The following SLC24A3 variants were observed in gnomAD, a reference collection of about 807,000 sequenced individuals.
SLC24A3 encodes sodium/potassium/calcium exchanger 3.
A neutral mutation model predicts 75.8 loss-of-function variants in SLC24A3; 28 were observed. The observed-to-expected ratio is 0.37, with a 90% CI of 0.27 to 0.51. The LOEUF (loss-of-function observed/expected upper bound fraction) is 0.51. Among genes scored for constraint, SLC24A3 ranks in the 20% least tolerant of loss-of-function variants. The probability of loss-of-function intolerance (pLI) is 0.94; values close to 1 mark genes in which losing one functional copy is unlikely to be tolerated. For missense variants in SLC24A3, 663 were observed against 847.8 expected (o/e 0.78, Z 2.71); for synonymous variants, 372 against 334.1 (o/e 1.11, Z -1.24).
intron 2 of SLC24A3, among the ~76,000 whole-genome samples, chr20:19,434,878 T>C (rs1357221307): frequency 6.6e-6 from 1 of 152,198 alleles, no homozygotes; most frequent in East Asian, 1.9e-4. Flanking sequence ...GCTGGCATCA[T>C]ACAGGGATTC....
chr20:19,703,626 T>C (rs1365080848), intron 15 of SLC24A3, among the ~76,000 whole-genome samples: 1 of 152,188 alleles, frequency 6.6e-6, no homozygotes, highest in Non-Finnish European at 1.5e-5. Flanking sequence ...AGGATAAGCA[T>C]CAAGTGTATG....
At chr20:19,326,304 C>T (rs981639650) in intron 2 of SLC24A3, among the ~76,000 whole-genome samples, 2 of 151,966 alleles carry the variant, frequency 1.3e-5, no homozygotes, top group Non-Finnish European at 2.9e-5. Flanking sequence ...ATCCTCTGCC[C>T]AAGGGAGCAA....
intron 9 of SLC24A3, among the ~76,000 whole-genome samples, chr20:19,677,676 T>C (rs79859088): frequency 7.6e-6 from 1 of 131,310 alleles, no homozygotes; most frequent in South Asian, 2.3e-4. Flanking sequence ...TTTAGGATTC[T>C]TTTTTTTTTC....
At chr20:19,544,767 G>T (rs114783481) in intron 3 of SLC24A3, among the ~76,000 whole-genome samples, 1 of 152,288 alleles carries the variant, frequency 6.6e-6, no homozygotes, top group African/African-American at 2.4e-5. Context: ...CAAGATGGCA[G>T]TTGGCAAAAT....
rs139949169 is a variant in SLC24A3 at position 19,696,001 on chromosome 20, C to CT, written c.1492-789dup. Among the ~76,000 whole-genome samples the CT allele has an allele frequency of 5.7e-3, 772 of 135,588 alleles. 9 individuals carry two copies. Among genetic ancestry groups the CT allele is most frequent in the African/African-American group, 0.02 (746 of 37,548 alleles). The allele number at this position is 135,588 out of a possible 152,430, so 89.0% of individuals were successfully genotyped here. A position where few individuals can be genotyped will look rare whatever the true frequency, so the allele number is the denominator to read the frequency against. ...AGGAAATGCTAGTTATGGCTTTCCCCTTTTTTTCCTTTTCTTTTTTTTTTT... is the reference window on the plus strand; with the variant it reads ...AGGAAATGCTAGTTATGGCTTTCCCCTTTTTTTTCCTTTTCTTTTTTTTTTT... On this transcript the variant is annotated intron_variant, in intron 13 of 16. Transcript: ENST00000328041.
chr20:19,243,505 T>C (rs746450664), intron 1 of SLC24A3, among the ~76,000 whole-genome samples: 2 of 152,238 alleles, frequency 1.3e-5, no homozygotes, highest in Non-Finnish European at 2.9e-5. Flanking sequence ...CCCCACAGGG[T>C]AGATGCCTCT....
chr20:19,676,138 A>G (rs959696890), intron 9 of SLC24A3, among the ~76,000 whole-genome samples: 3 of 152,230 alleles, frequency 2.0e-5, no homozygotes, highest in African/African-American at 7.2e-5. Flanking sequence ...TCAAAAACAG[A>G]TGTGGCCAGA....
intron 2 of SLC24A3, among the ~76,000 whole-genome samples, chr20:19,418,895 A>T (rs1017216851): frequency 5.9e-5 from 9 of 152,132 alleles, no homozygotes; most frequent in African/African-American, 1.9e-4. Flanking sequence ...CAGAGGTGTA[A>T]TGATTTGAGC....
chr20:19,369,033 A>AATC (rs752765835), intron 2 of SLC24A3, among the ~76,000 whole-genome samples: 2 of 152,246 alleles, frequency 1.3e-5, no homozygotes, highest in African/African-American at 4.8e-5. Context: ...ACCATTTGAC[A>AATC]ATCATCATCA....
intron 2 of SLC24A3, among the ~76,000 whole-genome samples, chr20:19,364,642 G>A (rs1985852537): frequency 6.6e-6 from 1 of 152,042 alleles, no homozygotes; most frequent in African/African-American, 2.4e-5. Flanking sequence ...TTTTGTAGAC[G>A]TGGGGTTTTG....
At chr20:19,359,422 G>T (rs1440612463) in intron 2 of SLC24A3, among the ~76,000 whole-genome samples, 2 of 152,140 alleles carry the variant, frequency 1.3e-5, no homozygotes, top group African/African-American at 4.8e-5. Context: ...ACTGGGGGCT[G>T]CCCCAAAAGA....
chr20:19,391,877 C>T (rs6132197), intron 2 of SLC24A3, among the ~76,000 whole-genome samples: 18,004 of 152,162 alleles, frequency 0.12, 1,597 homozygotes, highest in East Asian at 0.33. Context: ...ATTCTGGAGA[C>T]TTGGCTTCTG....
intron 6 of SLC24A3, among the ~76,000 whole-genome samples, chr20:19,636,166 A>C (rs1441017207): frequency 1.4e-5 from 2 of 145,858 alleles, no homozygotes; most frequent in South Asian, 4.3e-4. Flanking sequence ...AAAGAAAGAA[A>C]GATCTCCCAA....
At chr20:19,555,408 A>G (rs2030766363) in intron 3 of SLC24A3, among the ~76,000 whole-genome samples, 1 of 152,198 alleles carries the variant, frequency 6.6e-6, no homozygotes, top group East Asian at 1.9e-4. Flanking sequence ...GTTCCAATCT[A>G]CTGGATTTAT....
chr20:19,385,986 T>C (rs1986266525), intron 2 of SLC24A3, among the ~76,000 whole-genome samples: 1 of 152,234 alleles, frequency 6.6e-6, no homozygotes. Context: ...AGGGATTACA[T>C]TGAATCTGTA....
intron 13 of SLC24A3, 163 bp downstream of exon 13, chr20:19,693,588 G>A: frequency 4.9e-6 from 4 of 823,672 alleles, no homozygotes; most frequent in South Asian, 4.8e-5. Flanking sequence ...TGCAGGCATC[G>A]ATTCTCCTGC....
intron 4 of SLC24A3, among the ~76,000 whole-genome samples, 166 bp downstream of exon 4, chr20:19,580,240 A>T (rs1027251451): frequency 6.6e-6 from 1 of 152,168 alleles, no homozygotes; most frequent in East Asian, 1.9e-4. Context: ...TATTAGCACA[A>T]AAGTGTCATC....
chr20:19,635,529 ATTC>A (rs1337068571), intron 6 of SLC24A3, among the ~76,000 whole-genome samples: 1 of 152,222 alleles, frequency 6.6e-6, no homozygotes, highest in Non-Finnish European at 1.5e-5. Context: ...CCACCACATA[ATTC>A]TTCTCAGTGA....
intron 2 of SLC24A3, among the ~76,000 whole-genome samples, chr20:19,473,242 C>T (rs1345515534): frequency 1.3e-5 from 2 of 152,176 alleles, no homozygotes; most frequent in Non-Finnish European, 2.9e-5. Flanking sequence ...TGTGGCTCTT[C>T]AGGATTTTAA....
Sources: allele counts gnomAD v4.1 joint callset (sites outside exome capture counted in the v4.1 genomes callset), GRCh38; gene constraint gnomAD v4.1.1; transcripts MANE v1.5; gene names NCBI Gene and HGNC (gene_info 2026-07-23, HGNC 2026-07-21).